RBMXL1: variants seen among roughly 807,000 people sequenced by gnomAD.
RBMXL1 encodes RBMX like 1, also known as RNA binding motif protein, X-linked-like-1.
A neutral mutation model predicts 29.0 loss-of-function variants in RBMXL1; 18 were observed. The observed-to-expected ratio is 0.62, with a 90% CI of 0.43 to 0.92. The LOEUF (loss-of-function observed/expected upper bound fraction) is 0.92, where lower values mean the gene tolerates loss of function less well. Among genes scored for constraint, RBMXL1 ranks in the 40% least tolerant of loss-of-function variants. The probability of loss-of-function intolerance (pLI) is 0.00; values close to 1 mark genes in which losing one functional copy is unlikely to be tolerated. For missense variants in RBMXL1, 403 were observed against 495.8 expected (o/e 0.81, Z 1.78); for synonymous variants, 141 against 170.4 (o/e 0.83, Z 1.34).
In RBMXL1 at chr1:88,983,870, G is replaced by C; in HGVS notation, c.-44C>G. 1.2e-6 allele frequency: 2 copies of C among 1,611,616 alleles called. No individual in the cohort carries two copies. Among genetic ancestry groups the C allele is most frequent in the Non-Finnish European group, 1.7e-6 (2 of 1,178,130 alleles). On this transcript the variant is annotated 5_prime_UTR_variant, in exon 3 of 3. Coordinates refer to ENST00000652648, the MANE Select transcript of RBMXL1 (RefSeq NM_001162536.3). ...GTCGGAGGGGTGACAGTGGGTTCAA[G>C]CTCCAACAAGCTCGCCGACAGGGGC...
Position 88,982,344 on chromosome 1 carries a change from G to T in RBMXL1, c.*310C>A. 1.4e-6 allele frequency: 1 copy of T among 728,934 alleles called. No individual in the cohort carries two copies. Among genetic ancestry groups the T allele is most frequent in the Non-Finnish European group, 1.8e-6 (1 of 547,504 alleles). The allele number at this position is 728,934 out of a possible 1,614,324, so 45.2% of individuals were successfully genotyped here. On this transcript the variant is annotated 3_prime_UTR_variant, in exon 3 of 3. Coordinates refer to ENST00000652648, the MANE Select transcript of RBMXL1 (RefSeq NM_001162536.3). ...CTTAGAATTGCTTGCCTCATTTACT[G>T]GGAAAAACCAGATAGGAAGTGGTCT...
chr1:88,991,900 ACTGC>A (rs1306111463), intron 1 of RBMXL1, among the ~76,000 whole-genome samples: 3 of 152,050 alleles, frequency 2.0e-5, no homozygotes, highest in Non-Finnish European at 4.4e-5. Context: ...AAAGCAACAG[ACTGC>A]CTTTCTGTTT....
chr1:88,990,484 C>A (rs553949047), intron 1 of RBMXL1, among the ~76,000 whole-genome samples: 2 of 152,316 alleles, frequency 1.3e-5, no homozygotes, highest in Non-Finnish European at 2.9e-5. Flanking sequence ...TTGCAATTCT[C>A]ACTTTCCTAG....
rs1301406607 is a variant in RBMXL1 at position 88,983,047 on chromosome 1, A to G, written c.780T>C (p.Tyr260=). ...CACGACCATATCCATCTCTATCGCCATAGCCTCTTGATGGATAGTCATCAC... is the reference window on the plus strand; with the variant it reads ...CACGACCATATCCATCTCTATCGCCGTAGCCTCTTGATGGATAGTCATCAC... The part of the protein sequence containing the change: ...SSRDDYPSRG[Y]GDRDGYGRDR... Residue 260 remains tyrosine (Y), a synonymous_variant, in exon 3 of 3, where the codon TAT becomes TAC. Coordinates refer to ENST00000652648, the MANE Select transcript of RBMXL1 (RefSeq NM_001162536.3). 6.2e-7 allele frequency: 1 copy of G among 1,612,710 alleles called. No individual in the cohort carries two copies. Among genetic ancestry groups the G allele is most frequent in the East Asian group, 2.2e-5 (1 of 44,876 alleles).
In RBMXL1 at chr1:88,982,576, G is replaced by C; in HGVS notation, c.*78C>G. ...CAATTTTTCCTTTTAGTAGTCCTTGGGTAGTTATGATAGAATAGTTTCCAC... is the reference window on the plus strand; with the variant it reads ...CAATTTTTCCTTTTAGTAGTCCTTGCGTAGTTATGATAGAATAGTTTCCAC... On this transcript the variant is annotated 3_prime_UTR_variant, in exon 3 of 3. Coordinates refer to ENST00000652648, the MANE Select transcript of RBMXL1 (RefSeq NM_001162536.3). 1 of 1,507,838 alleles carries C rather than the reference G, an allele frequency of 6.6e-7. No individual in the cohort carries two copies. Among genetic ancestry groups the C allele is most frequent in the Non-Finnish European group, 8.9e-7 (1 of 1,127,058 alleles). 93.4% of individuals were successfully genotyped at this position (1,507,838 alleles called of 1,614,324 possible). A position where few individuals can be genotyped will look rare whatever the true frequency, so the allele number is the denominator to read the frequency against.
At chr1:88,987,227 A>C (rs919100439) in intron 2 of RBMXL1, among the ~76,000 whole-genome samples, 1 of 152,236 alleles carries the variant, frequency 6.6e-6, no homozygotes, top group Non-Finnish European at 1.5e-5. Flanking sequence ...GATTGTGCAC[A>C]CAAATGCCCT....
chr1:88,980,270 T>C lies in RBMXL1; in HGVS notation c.*2384A>G, dbSNP rs1474296453. ...TACATCTGTCAAAATAACCATTGAG[T>C]TGTAATTCTAAACAGATACAGTTTA... On this transcript the variant is annotated 3_prime_UTR_variant, in exon 3 of 3. Transcript: ENST00000652648. 1 of 152,564 alleles carries C rather than the reference T, an allele frequency of 6.6e-6. No homozygotes were observed. The highest frequency in any genetic ancestry group is 1.9e-4 in the East Asian group (1 of 5,200). 9.5% of individuals were successfully genotyped at this position (152,564 alleles called of 1,614,324 possible).
chr1:88,991,792 G>T (rs1677808971), intron 1 of RBMXL1, among the ~76,000 whole-genome samples: 1 of 152,226 alleles, frequency 6.6e-6, no homozygotes, highest in Non-Finnish European at 1.5e-5. Context: ...AGTCAGACTT[G>T]CTAAGGGCTG....
Position 88,984,552 on chromosome 1 carries a change from T to G in RBMXL1, c.-240-486A>C, listed in dbSNP as rs576755671. 9.2e-5 allele frequency among the ~76,000 whole-genome samples: 14 copies of G among 152,360 alleles called. 1 individual carries two copies. The South Asian group carries it at 2.9e-3, about 32-fold the overall frequency. ...ACAACATATAGTTTGTTACTTTATT[T>G]TATAAAGAATTATTTGTGCCTGATA... On this transcript the variant is annotated intron_variant, in intron 2 of 2. Coordinates refer to ENST00000652648, the MANE Select transcript of RBMXL1 (RefSeq NM_001162536.3).
Position 88,986,060 on chromosome 1 carries a change from A to T in RBMXL1, c.-240-1994T>A, listed in dbSNP as rs189103781. On this transcript the variant is annotated intron_variant, in intron 2 of 2. Transcript: ENST00000652648. ...GCCGGGAGTGGTGGCGGGCACCTATAGTCCCAGCTACTCAGGAGGCTGAGG... is the reference window on the plus strand; with the variant it reads ...GCCGGGAGTGGTGGCGGGCACCTATTGTCCCAGCTACTCAGGAGGCTGAGG... Among the ~76,000 whole-genome samples, 1,286 of 152,108 alleles carry T rather than the reference A, an allele frequency of 8.5e-3. 15 individuals are homozygous for T. The highest frequency in any genetic ancestry group is 0.03 in the African/African-American group (1,245 of 41,500).
Position 88,980,316 on chromosome 1 carries a change from A to C in RBMXL1, c.*2338T>G, listed in dbSNP as rs769556704. 2 of 152,636 alleles carry C rather than the reference A, an allele frequency of 1.3e-5. No individual in the cohort carries two copies. The highest frequency in any genetic ancestry group is 2.4e-5 in the African/African-American group (1 of 41,466). 9.5% of individuals were successfully genotyped at this position (152,636 alleles called of 1,614,324 possible). A position where few individuals can be genotyped will look rare whatever the true frequency, so the allele number is the denominator to read the frequency against. On this transcript the variant is annotated 3_prime_UTR_variant, in exon 3 of 3. Coordinates refer to ENST00000652648, the MANE Select transcript of RBMXL1 (RefSeq NM_001162536.3). ...GTTTACTGTAACTTGATAAAGCTGA[A>C]TTTAAAAAGCTGCCAGAGTATTCTG...
chr1:88,984,170 G>T, intron 2 of RBMXL1, 104 bp from the exon 3 acceptor site: 1 of 209,760 alleles, frequency 4.8e-6, no homozygotes, highest in African/African-American at 2.4e-5. Flanking sequence ...AAGCTCAAAA[G>T]TGTGTATAAT....
In RBMXL1 at chr1:88,980,516, T is replaced by C. The variant is rs1274435271; in HGVS notation, c.*2138A>G. ...AGTGATCTATAATACCCAAGTTCTA[T>C]GTTCAACTACCACTTAAACAAGGAA... On this transcript the variant is annotated 3_prime_UTR_variant, in exon 3 of 3. Transcript: ENST00000652648. 6.6e-6 allele frequency: 1 copy of C among 152,578 alleles called. No homozygotes were observed. Among genetic ancestry groups the C allele is most frequent in the Non-Finnish European group, 1.5e-5 (1 of 68,046 alleles). The allele number at this position is 152,578 out of a possible 1,614,324, so 9.5% of individuals were successfully genotyped here.
rs145055133 is a variant in RBMXL1, at chr1:88,988,273, G to C, written c.-262C>G. ...CTACAGCAGAAGTAGAGAATCCGAG[G>C]ATTTTGGAAGAAGAAATTGTCTTCA... On this transcript the variant is annotated 5_prime_UTR_variant, in exon 2 of 3. It adds an upstream start codon to the 5' untranslated region. Coordinates refer to ENST00000652648, the MANE Select transcript of RBMXL1 (RefSeq NM_001162536.3). 3.6e-4 allele frequency: 574 copies of C among 1,613,274 alleles called. 3 individuals are homozygous for C. In the Middle Eastern group the frequency reaches 5.4e-3, roughly 15 times the overall value.
chr1:88,982,329 C>G lies in RBMXL1; in HGVS notation c.*325G>C. On this transcript the variant is annotated 3_prime_UTR_variant, in exon 3 of 3. Transcript: ENST00000652648. Reference sequence around the variant, plus strand: ...TGTTTTGTGGAAGATCTTAGAATTGCTTGCCTCATTTACTGGGAAAAACCA... The same window carrying G: ...TGTTTTGTGGAAGATCTTAGAATTGGTTGCCTCATTTACTGGGAAAAACCA... 1 of 719,688 alleles carries G rather than the reference C, an allele frequency of 1.4e-6. No homozygotes were observed. Among genetic ancestry groups the G allele is most frequent in the Non-Finnish European group, 1.8e-6 (1 of 547,022 alleles). 44.6% of individuals were successfully genotyped at this position (719,688 alleles called of 1,614,324 possible).
intron 2 of RBMXL1, 48 bp from the exon 3 acceptor site, chr1:88,984,114 A>C (rs1197401902): frequency 2.1e-6 from 1 of 485,374 alleles, no homozygotes; most frequent in African/African-American, 1.9e-5. Flanking sequence ...TGGAAATGTA[A>C]AGCAGGGAAA....
intron 2 of RBMXL1, among the ~76,000 whole-genome samples, chr1:88,986,398 G>A (rs1450331783): frequency 1.3e-5 from 2 of 151,782 alleles, no homozygotes; most frequent in African/African-American, 4.8e-5. Flanking sequence ...GGCCGAGGCA[G>A]GTGGATCACA....
chr1:88,992,177 A>G (rs987360770), intron 1 of RBMXL1, among the ~76,000 whole-genome samples: 3 of 151,832 alleles, frequency 2.0e-5, no homozygotes, highest in African/African-American at 7.3e-5. Flanking sequence ...ACGGGGTTTC[A>G]CCGTGTTAGC....
chr1:88,987,256 T>C (rs1245096324), intron 2 of RBMXL1, among the ~76,000 whole-genome samples: 1 of 152,184 alleles, frequency 6.6e-6, no homozygotes, highest in East Asian at 1.9e-4. Context: ...CATGGTTTCA[T>C]ATGTTCACCT....
Sources: allele counts gnomAD v4.1 joint callset (sites outside exome capture counted in the v4.1 genomes callset), GRCh38; gene constraint gnomAD v4.1.1; transcripts MANE v1.5; gene names NCBI Gene and HGNC (gene_info 2026-07-23, HGNC 2026-07-21).